TERF2: variants seen among roughly 807,000 people sequenced by gnomAD.
The protein encoded by TERF2 is telomeric repeat-binding factor 2.
A neutral mutation model predicts 56.1 loss-of-function variants in TERF2; 16 were observed. The ratio of observed to expected loss-of-function variants is 0.29; its 90% CI spans 0.19 to 0.43. The LOEUF is 0.43. Ranked by LOEUF, TERF2 falls within the 20% of genes least tolerant of loss-of-function variation. The probability of loss-of-function intolerance (pLI) is 1.00; values close to 1 mark genes in which losing one functional copy is unlikely to be tolerated. For synonymous variants in TERF2, 296 were observed against 282.1 expected (o/e 1.05, Z -0.50); for missense variants, 547 against 712.9 (o/e 0.77, Z 2.65).
chr16:69,356,407 T>C lies in TERF2; in HGVS notation c.*491A>G, dbSNP rs2012898781. ...AGGACATGGGTGGACTTGGCTCTGCTTCTTAGCTCCATGATCTCCAACAGT... is the reference window on the plus strand; with the variant it reads ...AGGACATGGGTGGACTTGGCTCTGCCTCTTAGCTCCATGATCTCCAACAGT... On this transcript the variant is annotated 3_prime_UTR_variant, in exon 10 of 10. Coordinates refer to ENST00000254942, the MANE Select transcript of TERF2 (RefSeq NM_005652.5). 1 of 309,676 alleles carries C rather than the reference T, an allele frequency of 3.2e-6. No individual in the cohort carries two copies. Among genetic ancestry groups the C allele is most frequent in the African/African-American group, 2.2e-5 (1 of 45,028 alleles). The allele number at this position is 309,676 out of a possible 1,614,324, so 19.2% of individuals were successfully genotyped here.
chr16:69,360,947 C>G (rs2013115535), intron 8 of TERF2, among the ~76,000 whole-genome samples: 1 of 151,980 alleles, frequency 6.6e-6, no homozygotes, highest in Admixed American at 6.6e-5. Flanking sequence ...AGACTGACTC[C>G]TTGACCAGGG....
intron 8 of TERF2, among the ~76,000 whole-genome samples, chr16:69,358,196 G>A (rs2012991549): frequency 1.3e-5 from 2 of 152,130 alleles, no homozygotes; most frequent in African/African-American, 4.8e-5. Flanking sequence ...TGTATTTTTA[G>A]TACAGACCGG....
intron 8 of TERF2, among the ~76,000 whole-genome samples, chr16:69,360,992 G>C (rs1333322633): frequency 6.6e-6 from 1 of 151,928 alleles, no homozygotes; most frequent in South Asian, 2.1e-4. Flanking sequence ...CAGCACTCTG[G>C]GAGGCTGAGG....
At chr16:69,357,640 C>T in intron 8 of TERF2, 79 bp from the exon 9 acceptor site, 1 of 1,529,518 alleles carries the variant, frequency 6.5e-7, no homozygotes, top group Non-Finnish European at 8.9e-7. Flanking sequence ...ATGGAATGTC[C>T]CCAAAGGGAA....
Position 69,385,907 on chromosome 16 carries a change from G to A in TERF2, c.65C>T (p.Ala22Val). The part of the protein sequence containing the change: ...SGPGVVRDPA[A>V]SQPRKRPGRE... The stretch of plus-strand genomic sequence containing the variant: ...GCCGGGCCGCTTCCTCGGCTGTGAC[G>A]CCGCTGGGTCACGCACGACGCCCGG... Residue 22 changes from alanine to valine, a missense_variant, in exon 1 of 10, where the codon GCG (alanine) becomes GTG (valine). Physicochemically the swap from Ala to Val is moderately conservative, Grantham distance 64 (BLOSUM62 0). Coordinates refer to ENST00000254942, the MANE Select transcript of TERF2 (RefSeq NM_005652.5). 1 of 1,376,982 alleles carries A rather than the reference G, an allele frequency of 7.3e-7. No individual in the cohort carries two copies. The highest frequency in any genetic ancestry group is 9.4e-7 in the Non-Finnish European group (1 of 1,063,948). The allele number at this position is 1,376,982 out of a possible 1,614,324, so 85.3% of individuals were successfully genotyped here.
chr16:69,368,301 C>G, intron 6 of TERF2, 75 bp downstream of exon 6: 1 of 1,412,300 alleles, frequency 7.1e-7, no homozygotes, highest in Non-Finnish European at 9.9e-7. Flanking sequence ...GGAACTGATC[C>G]TGGCCTAAGG....
At chr16:69,382,473 G>A (rs993537786) in intron 3 of TERF2, among the ~76,000 whole-genome samples, 21 of 152,176 alleles carry the variant, frequency 1.4e-4, no homozygotes, top group African/African-American at 5.1e-4. Context: ...CCCCCAATGC[G>A]CCTCACCTCT....
Position 69,366,496 on chromosome 16 carries a change from A to C in TERF2, c.1340+311T>G, listed in dbSNP as rs151092003. 2.5e-4 allele frequency: 82 copies of C among 330,322 alleles called. 2 individuals carry two copies. In the East Asian group the frequency reaches 4.1e-3, roughly 17 times the overall value. The allele number at this position is 330,322 out of a possible 1,614,324, so 20.5% of individuals were successfully genotyped here. A position where few individuals can be genotyped will look rare whatever the true frequency, so the allele number is the denominator to read the frequency against. On this transcript the variant is annotated intron_variant, in intron 7 of 9. Transcript: ENST00000254942. ...TGCAAACAAATTTCTTTTAACACAC[A>C]AGACTAATGTTTAGAAGTCAAGACA...
At chr16:69,372,204 C>A in intron 4 of TERF2, 65 bp downstream of exon 4, 1 of 1,188,650 alleles carries the variant, frequency 8.4e-7, no homozygotes, top group Non-Finnish European at 1.2e-6. Flanking sequence ...AACCCTTTCC[C>A]TATTTCCCCA....
intron 8 of TERF2, among the ~76,000 whole-genome samples, chr16:69,360,705 CAAAAAAAAAA>C (rs1204701669): frequency 1.5e-5 from 1 of 65,470 alleles, no homozygotes; most frequent in Non-Finnish European, 2.9e-5. Flanking sequence ...GACCCTGTCT[CAAAAAAAAAA>C]AAAAAAAAAA....
intron 4 of TERF2, among the ~76,000 whole-genome samples, chr16:69,371,920 G>T (rs1567450429): frequency 6.6e-6 from 1 of 152,196 alleles, no homozygotes; most frequent in Non-Finnish European, 1.5e-5. Context: ...CCTCACCAAA[G>T]AAGTTTCCTC....
chr16:69,358,120 C>T (rs975438956), intron 8 of TERF2, among the ~76,000 whole-genome samples: 5 of 152,326 alleles, frequency 3.3e-5, no homozygotes, highest in African/African-American at 9.6e-5. Context: ...TCACACCATT[C>T]TCCTGCCTCA....
At chr16:69,382,126 AAC>A (rs1307564031) in intron 3 of TERF2, among the ~76,000 whole-genome samples, 1 of 152,232 alleles carries the variant, frequency 6.6e-6, no homozygotes, top group Non-Finnish European at 1.5e-5. Context: ...TGCTTATGAA[AAC>A]AGTTTTGACC....
chr16:69,362,091 A>G (rs1321754945), intron 7 of TERF2, among the ~76,000 whole-genome samples: 1 of 151,000 alleles, frequency 6.6e-6, no homozygotes, highest in Non-Finnish European at 1.5e-5. Context: ...TGTATGGGGG[A>G]GTCCACACCA....
At chr16:69,380,190 G>C (rs1436017325) in intron 3 of TERF2, among the ~76,000 whole-genome samples, 2 of 151,942 alleles carry the variant, frequency 1.3e-5, no homozygotes, top group African/African-American at 2.4e-5. Context: ...TGAGATTACA[G>C]GTGTGAGCCA....
At chr16:69,382,883 T>C (rs1216436397) in intron 3 of TERF2, among the ~76,000 whole-genome samples, 1 of 152,206 alleles carries the variant, frequency 6.6e-6, no homozygotes, top group African/African-American at 2.4e-5. Flanking sequence ...TGTTTTGAGC[T>C]GCTTATTCTT....
At position 69,385,834 on chromosome 16, in the gene TERF2, T is replaced by C; in HGVS notation, c.138A>G (p.Gly46=). 7.4e-7 allele frequency: 1 copy of C among 1,346,952 alleles called. No homozygotes were observed. The highest frequency in any genetic ancestry group is 9.5e-7 in the Non-Finnish European group (1 of 1,047,458). 83.4% of individuals were successfully genotyped at this position (1,346,952 alleles called of 1,614,324 possible). A position where few individuals can be genotyped will look rare whatever the true frequency, so the allele number is the denominator to read the frequency against. ...GARRSDTMAG[G]GGSSDGSGRA... is the part of the protein sequence containing the mutation. ...GCCCGCTGCCGTCGCTACTCCCGCC[T>C]CCTCCCGCCATCGTGTCCGATCGCC... Residue 46 remains glycine (G), a synonymous_variant, in exon 1 of 10, where the codon GGA becomes GGG. Coordinates refer to ENST00000254942, the MANE Select transcript of TERF2 (RefSeq NM_005652.5).
intron 4 of TERF2, among the ~76,000 whole-genome samples, chr16:69,371,460 C>T (rs1275366514): frequency 7.0e-6 from 1 of 142,342 alleles, no homozygotes; most frequent in Non-Finnish European, 1.5e-5. Flanking sequence ...AAGATTGGGC[C>T]ACTATACTCC....
At chr16:69,370,133 C>A (rs760046036) in intron 5 of TERF2, 7 of 264,852 alleles carry the variant, frequency 2.6e-5, no homozygotes, top group Non-Finnish European at 4.3e-5. Flanking sequence ...TGGGTTCAAG[C>A]GATTCTCCTG....
Sources: gnomAD v4.1 joint callset for allele counts (sites outside exome capture counted in the v4.1 genomes callset) on GRCh38, gnomAD v4.1.1 for gene constraint, MANE v1.5 for transcripts, NCBI Gene and HGNC (gene_info 2026-07-23, HGNC 2026-07-21) for gene names.